The following RFX2 variants were observed in gnomAD, a reference collection of about 807,000 sequenced individuals.
RFX2 encodes the protein regulatory factor X2, also known as DNA-binding protein RFX2.
In RFX2, 20 loss-of-function variants were observed where a neutral mutation model predicts 87.8. The observed-to-expected ratio is 0.23, with a 90% CI of 0.16 to 0.33. The LOEUF is 0.33. Among genes scored for constraint, RFX2 ranks in the 10% least tolerant of loss-of-function variants. The probability of loss-of-function intolerance (pLI) is 1.00; values close to 1 mark genes in which losing one functional copy is unlikely to be tolerated. For synonymous variants in RFX2, 397 were observed against 431.3 expected, an observed-to-expected ratio of 0.92 and a Z score of 0.98; for missense variants, 767 against 1,012.3, an observed-to-expected ratio of 0.76 and a Z score of 3.29.
intron 1 of RFX2, among the ~76,000 whole-genome samples, chr19:6,081,384 C>T (rs951544173): frequency 6.6e-5 from 10 of 152,144 alleles, no homozygotes; most frequent in Middle Eastern, 3.2e-3. Context: ...GTCTGTGGAA[C>T]CGGGGAAGGA....
rs2086360105 is a variant in RFX2, at chr19:5,993,301, A to G, written c.*1534T>C. On this transcript the variant is annotated 3_prime_UTR_variant, in exon 18 of 18. Transcript: ENST00000303657. ...ACATTCTTTCTGTCTGATTTCAACT[A>G]AGGTTTGGGCTATACGACCAGACAA... 6.6e-6 allele frequency: 1 copy of G among 152,212 alleles called. No homozygotes were observed. Among genetic ancestry groups the G allele is most frequent in the African/African-American group, 2.4e-5 (1 of 41,456 alleles). 9.4% of individuals were successfully genotyped at this position (152,212 alleles called of 1,614,324 possible).
At chr19:6,008,703 A>G (rs1231393548) in intron 9 of RFX2, among the ~76,000 whole-genome samples, 41 of 61,460 alleles carry the variant, frequency 6.7e-4, no homozygotes, top group African/African-American at 1.1e-3. Context: ...TTTGAGATGG[A>G]GTCTCGCTCT....
chr19:6,007,511 G>A lies in RFX2; in HGVS notation c.1247+179C>T, dbSNP rs906540778. On this transcript the variant is annotated intron_variant, in intron 11 of 17. Coordinates refer to ENST00000303657, the MANE Select transcript of RFX2 (RefSeq NM_000635.4). This position sits in a 1 kb window ranked among gnomAD's most constrained non-coding sequence, Gnocchi z 8.2. ...AAACAGTCTGACCCTGCAAAGGGGC[G>A]GATGGCAATGTGAATTTCAAGTCAA... Among the ~76,000 whole-genome samples, 18 of 152,152 alleles carry A rather than the reference G, an allele frequency of 1.2e-4. No homozygotes were observed. Among genetic ancestry groups the A allele is most frequent in the African/African-American group, 3.9e-4 (16 of 41,428 alleles).
In RFX2 at chr19:6,027,659, A is replaced by C. The variant is rs1326856589; in HGVS notation, c.523-1422T>G. ...AGCAGACTGGGAAGGAGAAGAAAAC[A>C]CTGTCTCTCCAACATAGTGGGTCTC... On this transcript the variant is annotated intron_variant, in intron 5 of 17. Coordinates refer to ENST00000303657, the MANE Select transcript of RFX2 (RefSeq NM_000635.4). This position sits in a 1 kb window ranked among gnomAD's most constrained non-coding sequence, Gnocchi z 5.0. 3.9e-5 allele frequency among the ~76,000 whole-genome samples: 6 copies of C among 152,190 alleles called. No individual in the cohort carries two copies. The highest frequency in any genetic ancestry group is 6.5e-5 in the Admixed American group (1 of 15,278).
intron 1 of RFX2, among the ~76,000 whole-genome samples, chr19:6,067,174 A>G (rs547661794): frequency 6.6e-6 from 1 of 152,336 alleles, no homozygotes; most frequent in South Asian, 2.1e-4. Context: ...ATTTATCATC[A>G]AACAAACAAT....
intron 1 of RFX2, among the ~76,000 whole-genome samples, chr19:6,107,021 C>A (rs903649728): frequency 6.6e-6 from 1 of 151,206 alleles, no homozygotes; most frequent in Admixed American, 6.6e-5. Context: ...GCCGGCCGGG[C>A]GCGGTGGCTC....
At chr19:6,014,166 T>C (rs2086694731) in intron 7 of RFX2, among the ~76,000 whole-genome samples, 1 of 152,148 alleles carries the variant, frequency 6.6e-6, no homozygotes, top group South Asian at 2.1e-4. Context: ...CAGGATGCCA[T>C]TTCTCCAGAG....
intron 17 of RFX2, 115 bp downstream of exon 17, chr19:5,995,486 C>A (rs1321098800): frequency 8.3e-6 from 9 of 1,082,582 alleles, no homozygotes; most frequent in South Asian, 1.4e-5. Flanking sequence ...GCCCTCACCC[C>A]CCAAGGGGCT....
intron 7 of RFX2, among the ~76,000 whole-genome samples, chr19:6,015,457 C>T (rs529290978): frequency 4.6e-5 from 7 of 151,086 alleles, no homozygotes; most frequent in African/African-American, 1.5e-4. Flanking sequence ...AATGGTAAAT[C>T]CAGCTCTGCT....
intron 6 of RFX2, among the ~76,000 whole-genome samples, chr19:6,019,167 G>A (rs1444211581): frequency 6.6e-6 from 1 of 151,958 alleles, no homozygotes; most frequent in Non-Finnish European, 1.5e-5. Flanking sequence ...CATAACCACA[G>A]GGAGGGACCC....
chr19:6,067,142 T>C (rs1234057276), intron 1 of RFX2, among the ~76,000 whole-genome samples: 1 of 152,148 alleles, frequency 6.6e-6, no homozygotes, highest in East Asian at 1.9e-4. Context: ...AAAGTGCCCT[T>C]TTCTCCAAGA....
At position 5,997,575 on chromosome 19, in the gene RFX2, C is replaced by T. The variant is rs571481334; in HGVS notation, c.1860-362G>A. On this transcript the variant is annotated intron_variant, in intron 15 of 17. Coordinates refer to ENST00000303657, the MANE Select transcript of RFX2 (RefSeq NM_000635.4). This position sits in a 1 kb window ranked among gnomAD's most constrained non-coding sequence, Gnocchi z 4.2. ...GTCTTTCTAGTGACATTTCGGACTC[C>T]GAATCAGAGCACAGGCTGGCAGCTG... 6.6e-6 allele frequency among the ~76,000 whole-genome samples: 1 copy of T among 152,330 alleles called. No individual in the cohort carries two copies. The highest frequency in any genetic ancestry group is 1.9e-4 in the East Asian group (1 of 5,188).
chr19:6,066,185 CTT>C (rs1253948758), intron 1 of RFX2, among the ~76,000 whole-genome samples: 4 of 152,124 alleles, frequency 2.6e-5, no homozygotes, highest in Non-Finnish European at 4.4e-5. Context: ...CAACAGGGCA[CTT>C]TGTTAGTGGG....
At chr19:6,057,848 C>T (rs1230133006) in intron 1 of RFX2, among the ~76,000 whole-genome samples, 1 of 152,172 alleles carries the variant, frequency 6.6e-6, no homozygotes, top group Non-Finnish European at 1.5e-5. Flanking sequence ...CCAGAAAAGT[C>T]TTGTCCGTTT....
At chr19:6,100,698 T>C (rs777528058) in intron 1 of RFX2, among the ~76,000 whole-genome samples, 1 of 152,180 alleles carries the variant, frequency 6.6e-6, no homozygotes, top group East Asian at 1.9e-4. Context: ...CCGCTGCTAC[T>C]GACTCCACCA....
chr19:6,109,037 T>C (rs948816625), intron 1 of RFX2, among the ~76,000 whole-genome samples: 3 of 151,578 alleles, frequency 2.0e-5, no homozygotes, highest in Non-Finnish European at 2.9e-5. Flanking sequence ...AGTGTGTGTG[T>C]GCGCCCGCGA....
rs1461856789 is a variant in RFX2 at position 6,038,348 on chromosome 19, A to AC, written c.522+1631_522+1632insG. Among the ~76,000 whole-genome samples the AC allele has an allele frequency of 3.0e-3, 447 of 150,750 alleles. 1 individual carries two copies. Among genetic ancestry groups the AC allele is most frequent in the Non-Finnish European group, 5.7e-3 (388 of 67,616 alleles). On this transcript the variant is annotated intron_variant, in intron 5 of 17. Coordinates refer to ENST00000303657, the MANE Select transcript of RFX2 (RefSeq NM_000635.4). ...TCTCAGAAAAAAAAAAAAAAAAAAAAAAAACCCAAAACAAAAGTAAAACTA... is the reference window on the plus strand; with the variant it reads ...TCTCAGAAAAAAAAAAAAAAAAAAAACAAAACCCAAAACAAAAGTAAAACTA...
Position 6,026,491 on chromosome 19 carries a change from A to G in RFX2, c.523-254T>C, listed in dbSNP as rs2144734837. The stretch of plus-strand genomic sequence containing the variant: ...CCGTCCAACAGAAGCAGCAGAAATC[A>G]TGTTGTAAAAACTTGCTACTGAACT... On this transcript the variant is annotated intron_variant, in intron 5 of 17. Transcript: ENST00000303657. This position sits in a 1 kb window ranked among gnomAD's most constrained non-coding sequence, Gnocchi z 4.5. 1.8e-6 allele frequency: 1 copy of G among 555,148 alleles called. No homozygotes were observed. The highest frequency in any genetic ancestry group is 1.9e-5 in the African/African-American group (1 of 52,888). The allele number at this position is 555,148 out of a possible 1,614,324, so 34.4% of individuals were successfully genotyped here. A position where few individuals can be genotyped will look rare whatever the true frequency, so the allele number is the denominator to read the frequency against.
At chr19:6,051,005 G>A (rs942317381) in intron 1 of RFX2, among the ~76,000 whole-genome samples, 1 of 152,018 alleles carries the variant, frequency 6.6e-6, no homozygotes, top group Non-Finnish European at 1.5e-5. Flanking sequence ...TTAATATGCT[G>A]GGGGGGAAAA....
Sources: gnomAD v4.1 joint callset for allele counts (sites outside exome capture counted in the v4.1 genomes callset) on GRCh38, gnomAD v4.1.1 for gene constraint, Gnocchi (gnomAD v3.1) non-coding constraint, MANE v1.5 for transcripts, NCBI Gene and HGNC (gene_info 2026-07-23, HGNC 2026-07-21) for gene names.